CDH12: variants seen among roughly 807,000 people sequenced by gnomAD.
CDH12 encodes the protein cadherin-12.
CDH12 carries 41 observed loss-of-function variants against 74.1 expected under a neutral mutation model. The ratio of observed to expected loss-of-function variants is 0.55; its 90% CI spans 0.43 to 0.72. CDH12 has a LOEUF of 0.72. Among genes scored for constraint, CDH12 ranks in the 30% least tolerant of loss-of-function variants. The pLI is 0.00. For synonymous variants in CDH12, 399 were observed against 355.0 expected (o/e 1.12, Z -1.39); for missense variants, 945 against 977.2 (o/e 0.97, Z 0.44).
intron 2 of CDH12, among the ~76,000 whole-genome samples, chr5:22,465,101 C>T (rs376704083): frequency 6.6e-6 from 1 of 152,022 alleles, no homozygotes; most frequent in African/African-American, 2.4e-5. Flanking sequence ...GAAAACATCT[C>T]TCTAGTTCTA....
chr5:22,411,093 G>A (rs912831216), intron 2 of CDH12, among the ~76,000 whole-genome samples: 3 of 151,656 alleles, frequency 2.0e-5, no homozygotes, highest in African/African-American at 4.8e-5. Context: ...AGATAAATTG[G>A]TCAGGTATAT....
At chr5:22,583,679 GA>G (rs1740222252) in intron 1 of CDH12, among the ~76,000 whole-genome samples, 1 of 152,166 alleles carries the variant, frequency 6.6e-6, no homozygotes. Flanking sequence ...ATGGGATTTT[GA>G]AAGGAGAATA....
At chr5:22,037,814 C>T (rs1292998910) in intron 5 of CDH12, among the ~76,000 whole-genome samples, 1 of 152,126 alleles carries the variant, frequency 6.6e-6, no homozygotes, top group Non-Finnish European at 1.5e-5. Context: ...AAAAGAGTAA[C>T]AGGAACCCCA....
intron 1 of CDH12, among the ~76,000 whole-genome samples, chr5:22,565,184 C>G (rs898896528): frequency 6.6e-6 from 1 of 152,108 alleles, no homozygotes; most frequent in Non-Finnish European, 1.5e-5. Context: ...TCCACCTGCC[C>G]CTGCCTCCCA....
chr5:22,240,573 G>T (rs369677307), intron 3 of CDH12, among the ~76,000 whole-genome samples: 2 of 152,108 alleles, frequency 1.3e-5, no homozygotes, highest in African/African-American at 4.8e-5. Flanking sequence ...TCGTTCCTTC[G>T]CCTAGGCTGG....
intron 3 of CDH12, among the ~76,000 whole-genome samples, chr5:22,293,298 T>G (rs115239782): frequency 2.0e-5 from 3 of 152,116 alleles, no homozygotes; most frequent in Non-Finnish European, 4.4e-5. Context: ...TGGTGTGCTC[T>G]TGCAGTGACC....
chr5:22,540,138 A>G (rs1159346202), intron 1 of CDH12, among the ~76,000 whole-genome samples: 1 of 152,058 alleles, frequency 6.6e-6, no homozygotes, highest in African/African-American at 2.4e-5. Flanking sequence ...GCACAGAGCA[A>G]TTTTATATTT....
chr5:22,642,279 T>C (rs971242346), intron 1 of CDH12, among the ~76,000 whole-genome samples: 5 of 152,180 alleles, frequency 3.3e-5, no homozygotes, highest in African/African-American at 1.2e-4. Flanking sequence ...ATAGAGACAT[T>C]TGATGTCCTT....
At chr5:22,509,252 C>T (rs2126668495) in intron 1 of CDH12, among the ~76,000 whole-genome samples, 1 of 152,292 alleles carries the variant, frequency 6.6e-6, no homozygotes, top group East Asian at 1.9e-4. Flanking sequence ...ACTAGGACTA[C>T]TGATAACCTG....
chr5:22,138,845 A>ATATATATATATATATAT (rs1746612743), intron 4 of CDH12, among the ~76,000 whole-genome samples: 56 of 76,576 alleles, frequency 7.3e-4, no homozygotes, highest in East Asian at 1.7e-3. Context: ...ATATATACGT[A>ATATATATATATATATAT]ATATATATAT....
chr5:21,931,720 C>T (rs1754847611), intron 6 of CDH12, among the ~76,000 whole-genome samples: 1 of 152,178 alleles, frequency 6.6e-6, no homozygotes, highest in Admixed American at 6.5e-5. Context: ...CCAAAATAGA[C>T]TGCACTTTAG....
At chr5:22,089,341 G>A (rs534738845) in intron 4 of CDH12, among the ~76,000 whole-genome samples, 1 of 151,698 alleles carries the variant, frequency 6.6e-6, no homozygotes, top group South Asian at 2.1e-4. Flanking sequence ...CAGAAAAATG[G>A]GATCCACACA....
intron 8 of CDH12, among the ~76,000 whole-genome samples, chr5:21,817,645 T>G (rs1467889455): frequency 6.6e-6 from 1 of 151,996 alleles, no homozygotes; most frequent in Non-Finnish European, 1.5e-5. Flanking sequence ...AAAAATAACC[T>G]GTAAAATAAT....
rs958321800 is a variant in CDH12 at position 22,743,875 on chromosome 5, G to GT, written c.-523+109182dup. Among the ~76,000 whole-genome samples the GT allele has an allele frequency of 7.8e-4, 114 of 146,692 alleles. 1 individual carries two copies. Among genetic ancestry groups the GT allele is most frequent in the African/African-American group, 1.7e-3 (68 of 40,042 alleles). On this transcript the variant is annotated intron_variant, in intron 1 of 14. Coordinates refer to ENST00000382254, the MANE Select transcript of CDH12 (RefSeq NM_004061.5). ...CTTATCAGTCTCTGGCTACCTAAAG[G>GT]TTTTTTTTTTAATGTGATATGTCAC...
intron 1 of CDH12, among the ~76,000 whole-genome samples, chr5:22,524,918 G>A (rs912661623): frequency 4.0e-5 from 6 of 151,076 alleles, no homozygotes; most frequent in East Asian, 1.9e-4. Flanking sequence ...CCATTAACTC[G>A]TCATTTACAT....
intron 1 of CDH12, among the ~76,000 whole-genome samples, chr5:22,516,689 C>T (rs1017881913): frequency 7.2e-5 from 11 of 151,768 alleles, no homozygotes; most frequent in Non-Finnish European, 1.2e-4. Flanking sequence ...CAGCTACTAG[C>T]GAGACTGGAG....
At chr5:22,320,285 A>G (rs1462903799) in intron 3 of CDH12, among the ~76,000 whole-genome samples, 1 of 152,182 alleles carries the variant, frequency 6.6e-6, no homozygotes, top group African/African-American at 2.4e-5. Flanking sequence ...GGAGAGTTTA[A>G]AATTAATATG....
In CDH12 at chr5:21,832,869, G is replaced by GATATAATATTAATATATATCATATA. The variant is rs1561223850; in HGVS notation, c.814+9291_814+9292insTATATGATATATATTAATATTATAT. ...ATATGATATATGATATATATCATAT[G>GATATAATATTAATATATATCATATA]ATATATGATATAATATTAATATATA... On this transcript the variant is annotated intron_variant, in intron 8 of 14. Coordinates refer to ENST00000382254, the MANE Select transcript of CDH12 (RefSeq NM_004061.5). Among the ~76,000 whole-genome samples, 435 of 45,468 alleles carry GATATAATATTAATATATATCATATA rather than the reference G, an allele frequency of 9.6e-3. 4 individuals carry two copies. The highest frequency in any genetic ancestry group is 0.02 in the South Asian group (29 of 1,452). 29.8% of individuals were successfully genotyped at this position (45,468 alleles called of 152,430 possible). A position where few individuals can be genotyped will look rare whatever the true frequency, so the allele number is the denominator to read the frequency against.
At chr5:22,162,674 A>C (rs892638816) in intron 4 of CDH12, among the ~76,000 whole-genome samples, 1 of 152,074 alleles carries the variant, frequency 6.6e-6, no homozygotes, top group Non-Finnish European at 1.5e-5. Flanking sequence ...TTTATTTGTA[A>C]TAAACTTACA....
Sources: allele counts gnomAD v4.1 joint callset (sites outside exome capture counted in the v4.1 genomes callset), GRCh38; gene constraint gnomAD v4.1.1; transcripts MANE v1.5; gene names NCBI Gene and HGNC (gene_info 2026-07-23, HGNC 2026-07-21).